Variants in PROM2 observed in about 807,000 individuals in gnomAD.
PROM2 encodes the protein prominin-2.
PROM2 carries 90 observed loss-of-function variants against 110.2 expected under a neutral mutation model. The observed-to-expected ratio is 0.82, with a 90% CI of 0.69 to 0.97. The LOEUF is 0.97. Ranked by LOEUF, PROM2 falls within the 50% of genes least tolerant of loss-of-function variation. PROM2 has a pLI of 0.00. For missense variants in PROM2, 1,009 were observed against 1,074.8 expected (o/e 0.94, Z 0.86); for synonymous variants, 470 against 467.8 (o/e 1.00, Z -0.06).
rs556145236 is a variant in PROM2, at chr2:95,276,676, G to T, written c.682+19G>T. ...CTGGATGGTGAGGGTCTCGGGGACT[G>T]GCAGGTGGGCTGGCTCCTTCCAGGG... is the stretch of plus-strand genomic sequence containing the variant. On this transcript the variant is annotated intron_variant, in intron 5 of 23. Coordinates refer to ENST00000317620, the MANE Select transcript of PROM2 (RefSeq NM_001165978.3). This position sits in a 1 kb window ranked among gnomAD's most constrained non-coding sequence, Gnocchi z 4.6. 2,036 of 1,612,222 alleles carry T rather than the reference G, an allele frequency of 1.3e-3. 32 individuals are homozygous for T. In the African/African-American group the frequency reaches 0.023, roughly 18 times the overall value.
chr2:95,274,457 A>G lies in PROM2; in HGVS notation c.-129A>G, dbSNP rs1676525034. On this transcript the variant is annotated 5_prime_UTR_variant, in exon 1 of 24. Coordinates refer to ENST00000317620, the MANE Select transcript of PROM2 (RefSeq NM_001165978.3). ...AGGGAGGCGGGAGGCCAGGTAGCTC[A>G]GGAACCCAAACCTGTCGGGCAGGTT... is the stretch of plus-strand genomic sequence containing the variant. The G allele has an allele frequency of 7.9e-7, 1 of 1,261,984 alleles. No homozygotes were observed. The highest frequency in any genetic ancestry group is 1.1e-6 in the Non-Finnish European group (1 of 951,230). 78.2% of individuals were successfully genotyped at this position (1,261,984 alleles called of 1,614,324 possible). A position where few individuals can be genotyped will look rare whatever the true frequency, so the allele number is the denominator to read the frequency against.
Position 95,285,008 on chromosome 2 carries a change from G to A in PROM2, c.1768G>A (p.Val590Ile). 6.2e-7 allele frequency: 1 copy of A among 1,608,140 alleles called. No homozygotes were observed. Among genetic ancestry groups the A allele is most frequent in the Non-Finnish European group, 8.5e-7 (1 of 1,177,084 alleles). The change falls in exon 15 of 24, where the codon GTA becomes ATA. Residue 590 changes from valine to isoleucine, a missense_variant. Physicochemically the swap from Val to Ile is conservative, Grantham distance 29 (BLOSUM62 3). Transcript: ENST00000317620. Reference sequence around the variant, plus strand: ...ACGGCAGGAGTTGCAGAGCCTGAAAGTAGACACACAGAGCCTGGACCTGCT... The same window carrying A: ...ACGGCAGGAGTTGCAGAGCCTGAAAATAGACACACAGAGCCTGGACCTGCT... ...KLRQELQSLK[V>I]DTQSLDLLSS...
intron 17 of PROM2, 106 bp from the exon 18 acceptor site, chr2:95,286,697 TC>T (rs1677380668): frequency 2.4e-6 from 1 of 420,288 alleles, no homozygotes; most frequent in Non-Finnish European, 4.5e-6. Context: ...TCCCCTCCTC[TC>T]CCCTCCTCTC....
rs1019339568 is a variant in PROM2 at position 95,280,056 on chromosome 2, C to T, written c.1427+59C>T. ...TCTTATAGGGCTGGCTGATTACTCT[C>T]GCTCCTGAGCATAGCTCCCGGTGTG... is the stretch of plus-strand genomic sequence containing the variant. On this transcript the variant is annotated intron_variant, in intron 11 of 23. Transcript: ENST00000317620. 3.9e-5 allele frequency: 53 copies of T among 1,343,028 alleles called. 1 individual carries two copies. The highest frequency in any genetic ancestry group is 4.5e-5 in the African/African-American group (3 of 66,528). 83.2% of individuals were successfully genotyped at this position (1,343,028 alleles called of 1,614,324 possible).
At chr2:95,288,159 C>A in intron 20 of PROM2, 52 bp from the exon 21 acceptor site, 1 of 1,569,058 alleles carries the variant, frequency 6.4e-7, no homozygotes, top group Non-Finnish European at 8.7e-7. Flanking sequence ...TATGGGTGTG[C>A]GCCTGTGGGT....
chr2:95,278,632 C>T (rs1573449083), intron 8 of PROM2, 89 bp from the exon 9 acceptor site: 2 of 1,444,340 alleles, frequency 1.4e-6, no homozygotes, highest in East Asian at 4.6e-5. Context: ...CTGAGGGGGG[C>T]CCTCCCTCTA....
In PROM2 at chr2:95,277,209, CCCCTGGCTTAATGTG is replaced by C. The variant is rs1445415300; in HGVS notation, c.773-148_773-134del. 30 of 1,119,790 alleles carry C rather than the reference CCCCTGGCTTAATGTG, an allele frequency of 2.7e-5. No individual in the cohort carries two copies. The African/African-American group carries it at 3.1e-4, about 12-fold the overall frequency. The allele number at this position is 1,119,790 out of a possible 1,614,324, so 69.4% of individuals were successfully genotyped here. A position where few individuals can be genotyped will look rare whatever the true frequency, so the allele number is the denominator to read the frequency against. On this transcript the variant is annotated intron_variant, in intron 6 of 23. Transcript: ENST00000317620. ...CTGTACCCCAGGATCCAGCCCCCCT[CCCCTGGCTTAATGTG>C]CCCTGGGGCAGTTTCCACTGTAGGC...
intron 23 of PROM2, 109 bp downstream of exon 23, chr2:95,289,115 G>A: frequency 1.1e-6 from 1 of 905,450 alleles, no homozygotes; most frequent in Non-Finnish European, 1.8e-6. Flanking sequence ...AGGAAGGCTT[G>A]GGGACATGGT....
At chr2:95,282,319 T>A in intron 14 of PROM2, 93 bp downstream of exon 14, 1 of 1,050,472 alleles carries the variant, frequency 9.5e-7, no homozygotes, top group Non-Finnish European at 1.4e-6. Context: ...TCTTTGAACC[T>A]AGGAGACCTG....
At chr2:95,283,090 C>T (rs1677143764) in intron 14 of PROM2, among the ~76,000 whole-genome samples, 1 of 152,232 alleles carries the variant, frequency 6.6e-6, no homozygotes, top group South Asian at 2.1e-4. Context: ...TTATGCAGCT[C>T]ACTCCTCCTT....
chr2:95,288,293 A>C lies in PROM2; in HGVS notation c.2327A>C (p.Asp776Ala), dbSNP rs1231708040. The C allele has an allele frequency of 6.2e-7, 1 of 1,613,850 alleles. No homozygotes were observed. Among genetic ancestry groups the C allele is most frequent in the Non-Finnish European group, 8.5e-7 (1 of 1,179,996 alleles). Residue 776 changes from aspartate (D) to alanine (A), a missense_variant, in exon 21 of 24, where the codon GAC (aspartate) becomes GCC (alanine). Coordinates refer to ENST00000317620, the MANE Select transcript of PROM2 (RefSeq NM_001165978.3). The stretch of plus-strand genomic sequence containing the variant: ...GTGATCCTGTGTGACATGATGGCTG[A>C]CCCCTGGGTGAGTGCCCCAGCTCAT... ...SRVILCDMMA[D>A]PWNAFWFCLA...
At chr2:95,285,768 G>T in intron 16 of PROM2, 58 bp downstream of exon 16, 1 of 1,497,152 alleles carries the variant, frequency 6.7e-7, no homozygotes, top group Admixed American at 1.9e-5. Context: ...CTTGGGAGGC[G>T]GGAAAGGGTG....
intron 10 of PROM2, 126 bp downstream of exon 10, chr2:95,279,270 T>TTTTG (rs916335833): frequency 4.1e-6 from 3 of 738,210 alleles, no homozygotes; most frequent in African/African-American, 1.8e-5. Flanking sequence ...CCTCTGTGTT[T>TTTTG]TTTGTTTGTT....
Position 95,276,442 on chromosome 2 carries a change from G to A in PROM2, c.618+95G>A. ...GGGCCCTCGATGGCCCATAACCAGCGCATCTGAAAGCCGCCTCCTCTCCCG... is the reference window on the plus strand; with the variant it reads ...GGGCCCTCGATGGCCCATAACCAGCACATCTGAAAGCCGCCTCCTCTCCCG... On this transcript the variant is annotated intron_variant, in intron 4 of 23. Transcript: ENST00000317620. The surrounding 1 kb of genome is among the most constrained non-coding windows in gnomAD (Gnocchi z 4.6). The A allele has an allele frequency of 6.3e-7, 1 of 1,591,498 alleles. No homozygotes were observed. Among genetic ancestry groups the A allele is most frequent in the Non-Finnish European group, 8.6e-7 (1 of 1,166,084 alleles).
intron 12 of PROM2, among the ~76,000 whole-genome samples, chr2:95,281,722 T>G (rs1677059469): frequency 6.6e-6 from 1 of 152,008 alleles, no homozygotes; most frequent in Admixed American, 6.5e-5. Flanking sequence ...GCAACCCTCC[T>G]AGGGATTCAT....
At position 95,276,588 on chromosome 2, in the gene PROM2, G is replaced by T. The variant is rs1441644891; in HGVS notation, c.619-6G>T. 2 of 1,613,940 alleles carry T rather than the reference G, an allele frequency of 1.2e-6. No homozygotes were observed. Among genetic ancestry groups the T allele is most frequent in the South Asian group, 2.2e-5 (2 of 91,070 alleles). ...AGGGCAGCCTCAGGGCCTTGTGTTT[G>T]CCTAGGAGCTGCAGGCCGTGGCACA... On this transcript the variant is annotated splice_region_variant and splice_polypyrimidine_tract_variant and intron_variant, in intron 4 of 23. Transcript: ENST00000317620. The surrounding 1 kb of genome is among the most constrained non-coding windows in gnomAD (Gnocchi z 4.6).
chr2:95,281,784 C>A (rs998108012), intron 12 of PROM2, 141 bp from the exon 13 acceptor site: 3 of 665,790 alleles, frequency 4.5e-6, no homozygotes, highest in Non-Finnish European at 5.4e-6. Flanking sequence ...GAGTTAGAGG[C>A]CAGGTGTGAG....
chr2:95,276,483 C>A lies in PROM2; in HGVS notation c.619-111C>A. ...TCCTCTCCCGCCCTTGCCTGAGAGT[C>A]GACCACCCTCAGGGTGGATGCCATA... On this transcript the variant is annotated intron_variant, in intron 4 of 23. Coordinates refer to ENST00000317620, the MANE Select transcript of PROM2 (RefSeq NM_001165978.3). This position sits in a 1 kb window ranked among gnomAD's most constrained non-coding sequence, Gnocchi z 4.6. 1 of 1,591,152 alleles carries A rather than the reference C, an allele frequency of 6.3e-7. No homozygotes were observed. Among genetic ancestry groups the A allele is most frequent in the South Asian group, 1.1e-5 (1 of 89,846 alleles).
rs778330065 is a variant in PROM2 at position 95,282,236 on chromosome 2, C to T, written c.1728+10C>T. 7 of 1,609,122 alleles carry T rather than the reference C, an allele frequency of 4.4e-6. No individual in the cohort carries two copies. Among genetic ancestry groups the T allele is most frequent in the South Asian group, 2.2e-5 (2 of 90,266 alleles). On this transcript the variant is annotated intron_variant, in intron 14 of 23. Coordinates refer to ENST00000317620, the MANE Select transcript of PROM2 (RefSeq NM_001165978.3). The stretch of plus-strand genomic sequence containing the variant: ...CCTGGATATCAACCAGGTGAGAGAA[C>T]GTTTTGGAAACTGTGAGGAGCCCTC...
Sources: gnomAD v4.1 joint callset for allele counts (sites outside exome capture counted in the v4.1 genomes callset) on GRCh38, gnomAD v4.1.1 for gene constraint, Gnocchi (gnomAD v3.1) non-coding constraint, MANE v1.5 for transcripts, NCBI Gene and HGNC (gene_info 2026-07-23, HGNC 2026-07-21) for gene names.